The following ADGRL2 variants were observed in gnomAD, a reference collection of about 807,000 sequenced individuals.
ADGRL2 encodes the protein adhesion G protein-coupled receptor L2.
Under a neutral mutation model 157.4 loss-of-function variants are expected in ADGRL2, and 44 were observed. The observed-to-expected ratio is 0.28, with a 90% CI of 0.22 to 0.36. ADGRL2 has a LOEUF of 0.36. Among genes scored for constraint, ADGRL2 ranks in the 10% least tolerant of loss-of-function variants. ADGRL2 has a pLI of 1.00. For synonymous variants in ADGRL2, 585 were observed against 624.7 expected (o/e 0.94, Z 0.95); for missense variants, 1,510 against 1,768.9 (o/e 0.85, Z 2.63).
chr1:81,803,546 T>C (rs1031106023), intron 1 of ADGRL2, among the ~76,000 whole-genome samples: 1 of 152,034 alleles, frequency 6.6e-6, no homozygotes, highest in Non-Finnish European at 1.5e-5. Context: ...CCTCCTCATC[T>C]TTTCTCCCTC....
At chr1:81,565,303 T>G (rs1435641141) in intron 2 of ADGRL2, among the ~76,000 whole-genome samples, 4 of 152,208 alleles carry the variant, frequency 2.6e-5, no homozygotes, top group African/African-American at 9.6e-5. Flanking sequence ...GCACTCTCCT[T>G]AGCTACAGAA....
rs111857280 is a variant in ADGRL2, at chr1:81,322,213, C to A, written c.-302+15704C>A. Among the ~76,000 whole-genome samples, 368 of 150,496 alleles carry A rather than the reference C, an allele frequency of 2.4e-3. 2 individuals are homozygous for A. The highest frequency in any genetic ancestry group is 8.5e-3 in the African/African-American group (348 of 40,982). ...ATATACATATATATATACGCACACACTGTATAAACAAAAATATGTGATTCT... is the reference window on the plus strand; with the variant it reads ...ATATACATATATATATACGCACACAATGTATAAACAAAAATATGTGATTCT... On this transcript the variant is annotated intron_variant, in intron 1 of 24. Transcript: ENST00000370721.
chr1:81,376,408 G>A (rs1414813280), intron 1 of ADGRL2, among the ~76,000 whole-genome samples: 1 of 152,170 alleles, frequency 6.6e-6, no homozygotes, highest in Non-Finnish European at 1.5e-5. Flanking sequence ...ATGCCATAAT[G>A]TTTCCAAAAT....
At chr1:81,346,858 G>T (rs1662516686) in intron 1 of ADGRL2, among the ~76,000 whole-genome samples, 1 of 152,162 alleles carries the variant, frequency 6.6e-6, no homozygotes, top group Non-Finnish European at 1.5e-5. Flanking sequence ...AAGAAGTGGG[G>T]TGCTGTTGTA....
At chr1:81,308,111 A>G (rs898981765) in intron 1 of ADGRL2, among the ~76,000 whole-genome samples, 1 of 152,316 alleles carries the variant, frequency 6.6e-6, no homozygotes, top group Admixed American at 6.5e-5. Flanking sequence ...GTGGGTAATA[A>G]AAGACCTTCA....
chr1:81,971,988 T>G lies in ADGRL2; in HGVS notation c.3021+70T>G, dbSNP rs1658894512. Reference sequence around the variant, plus strand: ...GCAGTGCTATTCAAACAAGGATAATTTGTTTTATTGTTTGTTTATCTATCT... The same window carrying G: ...GCAGTGCTATTCAAACAAGGATAATGTGTTTTATTGTTTGTTTATCTATCT... On this transcript the variant is annotated intron_variant, in intron 17 of 23. Transcript: ENST00000686636. The G allele has an allele frequency of 4.6e-5, 22 of 482,700 alleles. No homozygotes were observed. The South Asian group carries it at 5.3e-4, about 12-fold the overall frequency. 29.9% of individuals were successfully genotyped at this position (482,700 alleles called of 1,614,324 possible).
intron 3 of ADGRL2, among the ~76,000 whole-genome samples, chr1:81,637,912 CTT>C (rs5775626): frequency 1.4e-5 from 2 of 143,258 alleles, no homozygotes; most frequent in Admixed American, 7.0e-5. Flanking sequence ...AAAAGGTATG[CTT>C]TTTTTTTTTT....
At chr1:81,418,688 T>A (rs2077075234) in intron 1 of ADGRL2, among the ~76,000 whole-genome samples, 1 of 152,096 alleles carries the variant, frequency 6.6e-6, no homozygotes, top group Non-Finnish European at 1.5e-5. Context: ...CAGGAGGCAG[T>A]ACTTGCAGTG....
chr1:81,945,024 TA>T (rs1649340063), intron 6 of ADGRL2, among the ~76,000 whole-genome samples: 1 of 152,066 alleles, frequency 6.6e-6, no homozygotes, highest in South Asian at 2.1e-4. Context: ...CCTTTTTCCC[TA>T]AATCAGGTTA....
intron 1 of ADGRL2, among the ~76,000 whole-genome samples, chr1:81,362,825 T>C (rs1437024914): frequency 6.6e-6 from 1 of 152,018 alleles, no homozygotes; most frequent in African/African-American, 2.4e-5. Context: ...AAGTACTATT[T>C]CATTCAGTGG....
At chr1:81,934,864 G>A (rs2095286920) in intron 3 of ADGRL2, among the ~76,000 whole-genome samples, 2 of 151,926 alleles carry the variant, frequency 1.3e-5, no homozygotes, top group Admixed American at 6.6e-5. Context: ...ATAAAAGGAA[G>A]ATCACTGTAG....
intron 1 of ADGRL2, among the ~76,000 whole-genome samples, chr1:81,360,173 T>C (rs1265692641): frequency 6.6e-6 from 1 of 152,042 alleles, no homozygotes; most frequent in African/African-American, 2.4e-5. Flanking sequence ...CATTTTGTGT[T>C]ATAAGCTTCA....
chr1:81,539,811 A>C (rs2079838289), intron 2 of ADGRL2, among the ~76,000 whole-genome samples: 2 of 143,946 alleles, frequency 1.4e-5, no homozygotes, highest in South Asian at 4.3e-4. Flanking sequence ...AAAAGGGAAA[A>C]GATTAAAAAA....
At chr1:81,781,739 C>G (rs1272504766) in intron 2 of ADGRL2, among the ~76,000 whole-genome samples, 3 of 152,296 alleles carry the variant, frequency 2.0e-5, no homozygotes, top group East Asian at 3.9e-4. Flanking sequence ...CATATCTTGG[C>G]TTGATTTTTC....
chr1:81,484,415 A>G (rs1243711633), intron 2 of ADGRL2, among the ~76,000 whole-genome samples: 1 of 152,122 alleles, frequency 6.6e-6, no homozygotes. Context: ...ATAAATCCAC[A>G]GGTGTTTAAG....
At chr1:81,556,312 ATTTTTT>A (rs145670261) in intron 2 of ADGRL2, among the ~76,000 whole-genome samples, 1 of 87,132 alleles carries the variant, frequency 1.1e-5, no homozygotes, top group African/African-American at 4.7e-5. Context: ...GGCTGTCACA[ATTTTTT>A]TTTTTTTTTT....
In ADGRL2 at chr1:81,992,620, A is replaced by G. The variant is rs1042529950; in HGVS notation, c.*1475A>G. Reference sequence around the variant, plus strand: ...TACATATGCACAAAATCTGCTGGATAAGTTTTAAGAGGGATATATTCTGAA... The same window carrying G: ...TACATATGCACAAAATCTGCTGGATGAGTTTTAAGAGGGATATATTCTGAA... On this transcript the variant is annotated 3_prime_UTR_variant, in exon 24 of 24. Transcript: ENST00000686636. 2.6e-5 allele frequency among the ~76,000 whole-genome samples: 4 copies of G among 152,250 alleles called. No individual in the cohort carries two copies. The highest frequency in any genetic ancestry group is 1.3e-4 in the Admixed American group (2 of 15,280).
intron 1 of ADGRL2, among the ~76,000 whole-genome samples, chr1:81,391,872 T>C (rs2076565663): frequency 6.6e-6 from 1 of 152,160 alleles, no homozygotes; most frequent in African/African-American, 2.4e-5. Flanking sequence ...TCTAATATAA[T>C]AAAAATATTA....
chr1:81,809,317 TG>T (rs562471437), intron 1 of ADGRL2, among the ~76,000 whole-genome samples: 28 of 152,124 alleles, frequency 1.8e-4, no homozygotes, highest in African/African-American at 6.3e-4. Context: ...TGTTAAAAAT[TG>T]GGTAGGTTAG....
Sources: gnomAD v4.1 joint callset for allele counts (sites outside exome capture counted in the v4.1 genomes callset) on GRCh38, gnomAD v4.1.1 for gene constraint, MANE v1.5 for transcripts, NCBI Gene and HGNC (gene_info 2026-07-23, HGNC 2026-07-21) for gene names.